SOX5: variants seen among roughly 807,000 people sequenced by gnomAD.
The protein encoded by SOX5 is transcription factor SOX-5.
In SOX5, 9 loss-of-function variants were observed where a neutral mutation model predicts 92.0. The ratio of observed to expected loss-of-function variants is 0.10; its 90% CI spans 0.06 to 0.17. The LOEUF (loss-of-function observed/expected upper bound fraction) is 0.17. SOX5 is among the 10% of genes least tolerant of loss of function. The probability of loss-of-function intolerance (pLI) is 1.00; values close to 1 mark genes in which losing one functional copy is unlikely to be tolerated. For missense variants in SOX5, 642 were observed against 944.5 expected (o/e 0.68, Z 4.20); for synonymous variants, 344 against 336.3 (o/e 1.02, Z -0.25).
intron 6 of SOX5, among the ~76,000 whole-genome samples, chr12:23,721,652 T>C (rs1443413485): frequency 6.6e-6 from 1 of 152,198 alleles, no homozygotes; most frequent in African/African-American, 2.4e-5. Context: ...CAAATGACTA[T>C]CTTTGAGTAT....
At chr12:23,681,934 T>C (rs2086691703) in intron 6 of SOX5, among the ~76,000 whole-genome samples, 1 of 151,728 alleles carries the variant, frequency 6.6e-6, no homozygotes, top group Non-Finnish European at 1.5e-5. Context: ...TCACAATTTA[T>C]GATGAAAAAT....
At chr12:23,979,702 T>TTTG (rs1949327910) in intron 4 of SOX5, among the ~76,000 whole-genome samples, 1 of 78,670 alleles carries the variant, frequency 1.3e-5, no homozygotes, top group Non-Finnish European at 2.5e-5. Context: ...ATATATGTTT[T>TTTG]TTTTGTTTTT....
chr12:23,940,307 G>A (rs66512167), intron 1 of SOX5, among the ~76,000 whole-genome samples: 12,436 of 151,098 alleles, frequency 0.082, 712 homozygotes, highest in Non-Finnish European at 0.13. Flanking sequence ...ATTATACATG[G>A]TATTTAGATT....
chr12:23,608,057 C>T (rs981612874), intron 8 of SOX5, among the ~76,000 whole-genome samples: 2 of 141,306 alleles, frequency 1.4e-5, no homozygotes, highest in Non-Finnish European at 3.0e-5. Context: ...ACTGCTTGAG[C>T]CTGGGAGTTT....
At chr12:23,830,209 C>T (rs1032296094) in intron 3 of SOX5, among the ~76,000 whole-genome samples, 1 of 152,132 alleles carries the variant, frequency 6.6e-6, no homozygotes, top group Non-Finnish European at 1.5e-5. Context: ...AAGAAATAGG[C>T]TCTACAGCAT....
intron 1 of SOX5, among the ~76,000 whole-genome samples, chr12:23,941,918 T>C (rs1323538629): frequency 1.4e-5 from 2 of 147,102 alleles, no homozygotes; most frequent in African/African-American, 5.0e-5. Context: ...TTCAAACATA[T>C]TATGAAACTC....
At chr12:23,641,670 A>G (rs2080084044) in intron 7 of SOX5, among the ~76,000 whole-genome samples, 1 of 152,176 alleles carries the variant, frequency 6.6e-6, no homozygotes, top group Non-Finnish European at 1.5e-5. Flanking sequence ...ATGAAAATCA[A>G]GGGGGTTCTT....
intron 3 of SOX5, among the ~76,000 whole-genome samples, chr12:23,778,426 G>A (rs891901784): frequency 3.9e-5 from 6 of 152,124 alleles, no homozygotes; most frequent in African/African-American, 7.2e-5. Flanking sequence ...ATCCTAAGCA[G>A]GTGAAGAAAT....
At chr12:24,519,192 AT>A (rs1950057650) in intron 1 of SOX5, among the ~76,000 whole-genome samples, 2 of 152,090 alleles carry the variant, frequency 1.3e-5, no homozygotes, top group Non-Finnish European at 2.9e-5. Context: ...ATGTTCTTAT[AT>A]TTAATCATTC....
intron 3 of SOX5, among the ~76,000 whole-genome samples, chr12:23,810,268 G>A (rs189453094): frequency 5.3e-5 from 8 of 151,952 alleles, no homozygotes; most frequent in African/African-American, 1.7e-4. Flanking sequence ...TGCAGCACAC[G>A]GTTTATTTAT....
intron 4 of SOX5, among the ~76,000 whole-genome samples, chr12:24,127,401 A>G (rs1299379290): frequency 1.8e-5 from 2 of 108,808 alleles, no homozygotes; most frequent in Non-Finnish European, 4.0e-5. Flanking sequence ...AATAATAATA[A>G]TAATGATAAT....
chr12:23,734,817 G>A lies in SOX5; in HGVS notation c.742-65C>T, dbSNP rs370040280. On this transcript the variant is annotated intron_variant, in intron 5 of 14. Transcript: ENST00000451604. ...GTAGTCCCGGAGGGAAGTTACTAAT[G>A]TTCTGTTTCTCAAAGTTTGATTTGA... The A allele has an allele frequency of 2.9e-5, 38 of 1,316,776 alleles. No individual in the cohort carries two copies. In the African/African-American group the frequency reaches 5.5e-4, roughly 19 times the overall value. 81.6% of individuals were successfully genotyped at this position (1,316,776 alleles called of 1,614,324 possible). A position where few individuals can be genotyped will look rare whatever the true frequency, so the allele number is the denominator to read the frequency against.
At chr12:24,212,841 T>C (rs1409370297) in intron 4 of SOX5, among the ~76,000 whole-genome samples, 1 of 152,202 alleles carries the variant, frequency 6.6e-6, no homozygotes, top group Admixed American at 6.5e-5. Flanking sequence ...TGGTTACTAT[T>C]AGCGTTGGCA....
chr12:24,259,449 G>T (rs1384946337), intron 3 of SOX5, among the ~76,000 whole-genome samples: 2 of 152,182 alleles, frequency 1.3e-5, no homozygotes, highest in African/African-American at 4.8e-5. Flanking sequence ...ACTGTGCTAT[G>T]TATGTAAGGT....
chr12:24,058,514 C>T (rs2137235960), intron 4 of SOX5, among the ~76,000 whole-genome samples: 1 of 152,242 alleles, frequency 6.6e-6, no homozygotes. Context: ...CTAAATACAA[C>T]AGGACACAGT....
At position 23,994,317 on chromosome 12, in the gene SOX5, TTTAC is replaced by T. The variant is rs557226396; in HGVS notation, c.-1-98297_-1-98294del. On this transcript the variant is annotated intron_variant, in intron 4 of 4. Transcript: ENST00000446891. ...AAATTAAAGGAATTACTACTTGAAT[TTTAC>T]TTACTTAAAAAAATTTTAAGTAACG... Among the ~76,000 whole-genome samples, 403 of 152,192 alleles carry T rather than the reference TTTAC, an allele frequency of 2.6e-3. 2 individuals carry two copies. The highest frequency in any genetic ancestry group is 9.1e-3 in the African/African-American group (376 of 41,536).
In SOX5 at chr12:24,179,931, CT is replaced by C. The variant is rs899416446; in HGVS notation, c.-2+33411del. ...AGAAAGGCATATTAGGCCTTATAATCTTTTTTTTTATTAAAAAAAAAAAAGA... is the reference window on the plus strand; with the variant it reads ...AGAAAGGCATATTAGGCCTTATAATCTTTTTTTTATTAAAAAAAAAAAAGA... On this transcript the variant is annotated intron_variant, in intron 4 of 4. Coordinates refer to the SOX5 transcript ENST00000446891. Among the ~76,000 whole-genome samples the C allele has an allele frequency of 3.5e-4, 51 of 146,962 alleles. 1 individual carries two copies. Among genetic ancestry groups the C allele is most frequent in the African/African-American group, 1.0e-3 (40 of 40,130 alleles).
intron 4 of SOX5, among the ~76,000 whole-genome samples, chr12:24,096,229 T>C (rs1330103544): frequency 6.6e-6 from 1 of 152,200 alleles, no homozygotes; most frequent in Non-Finnish European, 1.5e-5. Context: ...CAACCCATCA[T>C]CGACATTGGG....
chr12:23,887,483 C>T (rs920285795), intron 2 of SOX5, among the ~76,000 whole-genome samples: 1 of 152,108 alleles, frequency 6.6e-6, no homozygotes. Context: ...TTCCTTAATG[C>T]ATGTCTGAGA....
Sources: allele counts gnomAD v4.1 joint callset (sites outside exome capture counted in the v4.1 genomes callset), GRCh38; gene constraint gnomAD v4.1.1; transcripts MANE v1.5; gene names NCBI Gene and HGNC (gene_info 2026-07-23, HGNC 2026-07-21).